The following PRXL2C variants were observed in gnomAD, a reference collection of about 807,000 sequenced individuals.
PRXL2C encodes the protein peroxiredoxin like 2C.
PRXL2C carries 38 observed loss-of-function variants against 24.9 expected under a neutral mutation model. The ratio of observed to expected loss-of-function variants is 1.53; its 90% confidence interval spans 1.18 to 2.00. PRXL2C has a LOEUF of 2.00. Among genes scored for constraint, PRXL2C ranks in the 30% most tolerant of loss-of-function variants. The pLI is 0.00. For synonymous variants in PRXL2C, 98 were observed against 117.2 expected (o/e 0.84, Z 1.06); for missense variants, 294 against 290.9 (o/e 1.01, Z -0.08).
rs1405276282 is a variant in PRXL2C, at chr9:96,651,370, T to G, written c.421+20A>C. On this transcript the variant is annotated intron_variant, in intron 4 of 5. Coordinates refer to ENST00000375234, the MANE Select transcript of PRXL2C (RefSeq NM_153698.2). Reference sequence around the variant, plus strand: ...ACATACACCACCAGTGTTTTCTATTTGAGACATGTTATGTCTTACCTGAGG... The same window carrying G: ...ACATACACCACCAGTGTTTTCTATTGGAGACATGTTATGTCTTACCTGAGG... The G allele has an allele frequency of 6.5e-7, 1 of 1,527,466 alleles. No individual in the cohort carries two copies. The highest frequency in any genetic ancestry group is 1.7e-5 in the Admixed American group (1 of 57,210). 94.6% of individuals were successfully genotyped at this position (1,527,466 alleles called of 1,614,324 possible).
intron 4 of PRXL2C, among the ~76,000 whole-genome samples, chr9:96,650,679 T>A (rs572301679): frequency 1.3e-5 from 2 of 152,258 alleles, no homozygotes; most frequent in East Asian, 3.9e-4. Context: ...TATAAAATTA[T>A]GTGAACTTAA....
chr9:96,642,120 G>T (rs1303355526), intron 5 of PRXL2C, among the ~76,000 whole-genome samples: 4 of 152,092 alleles, frequency 2.6e-5, no homozygotes, highest in Admixed American at 1.3e-4. Flanking sequence ...GATCCAAGGG[G>T]AAAGATTTTT....
At position 96,654,815 on chromosome 9, in the gene PRXL2C, C is replaced by T. The variant is rs540053823; in HGVS notation, c.193-42G>A. 15 of 1,524,088 alleles carry T rather than the reference C, an allele frequency of 9.8e-6. No individual in the cohort carries two copies. The South Asian group carries it at 1.7e-4, about 17-fold the overall frequency. The allele number at this position is 1,524,088 out of a possible 1,614,324, so 94.4% of individuals were successfully genotyped here. A position where few individuals can be genotyped will look rare whatever the true frequency, so the allele number is the denominator to read the frequency against. Reference sequence around the variant, plus strand: ...CAGAAAGGGCAAGTTAGTAAAGCAGCACCCTCGGGCCCCGAAGGATCCCTG... The same window carrying T: ...CAGAAAGGGCAAGTTAGTAAAGCAGTACCCTCGGGCCCCGAAGGATCCCTG... On this transcript the variant is annotated intron_variant, in intron 1 of 5. Transcript: ENST00000375234.
Position 96,641,142 on chromosome 9 carries a change from TA to T in PRXL2C, c.*616del, listed in dbSNP as rs1848109122. ...TGGCATAAAATTGTCCTATAATGTT[TA>T]AAGACCTTTTCCTGGCCCTACAATA... On this transcript the variant is annotated 3_prime_UTR_variant, in exon 6 of 6. Transcript: ENST00000375234. 1 of 152,198 alleles carries T rather than the reference TA, an allele frequency of 6.6e-6. No individual in the cohort carries two copies. Among genetic ancestry groups the T allele is most frequent in the South Asian group, 2.1e-4 (1 of 4,834 alleles). 9.4% of individuals were successfully genotyped at this position (152,198 alleles called of 1,614,324 possible).
chr9:96,641,321 A>G lies in PRXL2C; in HGVS notation c.*438T>C, dbSNP rs1204551799. ...AGCATACAAAAATACAAATATATAC[A>G]TATAAAAATGCAGTTACATTGTTGA... On this transcript the variant is annotated 3_prime_UTR_variant, in exon 6 of 6. Transcript: ENST00000375234. 1 of 152,462 alleles carries G rather than the reference A, an allele frequency of 6.6e-6. No individual in the cohort carries two copies. The highest frequency in any genetic ancestry group is 2.4e-5 in the African/African-American group (1 of 41,454). 9.4% of individuals were successfully genotyped at this position (152,462 alleles called of 1,614,324 possible).
At chr9:96,646,138 C>A in intron 4 of PRXL2C, 114 bp from the exon 5 acceptor site, 1 of 1,181,394 alleles carries the variant, frequency 8.5e-7, no homozygotes, top group Non-Finnish European at 1.2e-6. Context: ...GTTTCTCAAT[C>A]TTTTACCATC....
chr9:96,647,323 T>G (rs1330682473), intron 4 of PRXL2C, among the ~76,000 whole-genome samples: 7 of 152,222 alleles, frequency 4.6e-5, no homozygotes, highest in Non-Finnish European at 1.5e-5. Context: ...CCTTGCCATG[T>G]ATGTCTTACT....
chr9:96,652,520 CAAAAA>C (rs1254621971), intron 2 of PRXL2C, among the ~76,000 whole-genome samples: 1 of 56,382 alleles, frequency 1.8e-5, no homozygotes. Context: ...GACTCCGCCT[CAAAAA>C]AAAAAAAAAA....
At position 96,651,396 on chromosome 9, in the gene PRXL2C, A is replaced by C. The variant is rs776702665; in HGVS notation, c.415T>G (p.Ser139Ala). The C allele has an allele frequency of 1.3e-5, 21 of 1,607,656 alleles. No homozygotes were observed. The Admixed American group carries it at 2.7e-4, about 21-fold the overall frequency. The part of the protein sequence containing the change: ...LGMKRGEEIA[S>A]SGQSPHIKSN... ...GAGACATGTTATGTCTTACCTGAGG[A>C]AGCAATTTCTTCACCTCTTTTCATT... is the stretch of plus-strand genomic sequence containing the variant. Residue 139 changes from serine (S) to alanine (A), a missense_variant, in exon 4 of 6, where the codon TCC becomes GCC. By Grantham distance (99) the Ser-to-Ala change is moderately conservative (BLOSUM62 1). Transcript: ENST00000375234.
intron 2 of PRXL2C, among the ~76,000 whole-genome samples, chr9:96,652,825 A>G (rs1487777769): frequency 3.3e-5 from 5 of 152,230 alleles, no homozygotes; most frequent in Non-Finnish European, 5.9e-5. Context: ...AAGGAAATGA[A>G]ATCAGTATGT....
chr9:96,654,129 C>T (rs959741615), intron 2 of PRXL2C, among the ~76,000 whole-genome samples: 6 of 152,192 alleles, frequency 3.9e-5, no homozygotes, highest in Admixed American at 3.9e-4. Context: ...CGTGAGCCAC[C>T]GTGCCCGGCC....
Position 96,641,713 on chromosome 9 carries a change from T to C in PRXL2C, c.*46A>G. 2 of 1,508,468 alleles carry C rather than the reference T, an allele frequency of 1.3e-6. No individual in the cohort carries two copies. Among genetic ancestry groups the C allele is most frequent in the Non-Finnish European group, 1.8e-6 (2 of 1,111,534 alleles). 93.4% of individuals were successfully genotyped at this position (1,508,468 alleles called of 1,614,324 possible). ...GGATATTACACCCAGGCATTGAAGG[T>C]CACATTCCAGAAGGTCCAGTTGAAA... On this transcript the variant is annotated 3_prime_UTR_variant, in exon 6 of 6. Transcript: ENST00000375234.
chr9:96,645,750 T>C lies in PRXL2C; in HGVS notation c.553+143A>G, dbSNP rs548143409. 800 of 907,616 alleles carry C rather than the reference T, an allele frequency of 8.8e-4. 1 individual carries two copies. Among genetic ancestry groups the C allele is most frequent in the Non-Finnish European group, 1.2e-3 (732 of 629,880 alleles). 56.2% of individuals were successfully genotyped at this position (907,616 alleles called of 1,614,324 possible). On this transcript the variant is annotated intron_variant, in intron 5 of 5. Transcript: ENST00000375234. ...AGGCAGAGCTTGCAGTGAGCCGAGA[T>C]TGCGCCACTGCACTCCAGCCTTGGC... is the stretch of plus-strand genomic sequence containing the variant.
intron 4 of PRXL2C, among the ~76,000 whole-genome samples, chr9:96,650,575 G>C (rs189637435): frequency 9.2e-5 from 14 of 152,166 alleles, no homozygotes; most frequent in Middle Eastern, 3.4e-3. Context: ...TGCTTGAAGA[G>C]TGATTCAGAG....
chr9:96,655,053 G>A, intron 1 of PRXL2C, 37 bp downstream of exon 1: 1 of 1,458,146 alleles, frequency 6.9e-7, no homozygotes, highest in Non-Finnish European at 9.0e-7. Context: ...CCGGGACCCT[G>A]GGCCGCGCTT....
chr9:96,651,470 G>A lies in PRXL2C; in HGVS notation c.341C>T (p.Ser114Phe). Residue 114 changes from serine to phenylalanine, a missense_variant, in exon 4 of 6, where the codon TCT becomes TTT. Transcript: ENST00000375234. ...IEPFCKLTGYSHEIYVDPERE... is the reference protein window; with the variant it reads ...IEPFCKLTGYFHEIYVDPERE... ...CTCAGGATCGACATAGATTTCATGA[G>A]AATATCCAGTCAGCTTGCAAAAAGG... 1 of 1,612,208 alleles carries A rather than the reference G, an allele frequency of 6.2e-7. No homozygotes were observed. Among genetic ancestry groups the A allele is most frequent in the South Asian group, 1.1e-5 (1 of 90,244 alleles).
chr9:96,645,973 A>G lies in PRXL2C; in HGVS notation c.473T>C (p.Leu158Pro), dbSNP rs1168144434. Residue 158 changes from leucine to proline, a missense_variant, in exon 5 of 6, where the codon CTG (leucine) becomes CCG (proline). Transcript: ENST00000375234. ...GAGAGGGCCAGTCACTGCCCGCCAC[A>G]GGCTCTGAAGGCTTCCTGAGAGTAG... ...SNLLSGSLQSLWRAVTGPLFD... is the reference protein window; with the variant it reads ...SNLLSGSLQSPWRAVTGPLFD... 6.2e-7 allele frequency: 1 copy of G among 1,613,684 alleles called. No homozygotes were observed. The highest frequency in any genetic ancestry group is 8.5e-7 in the Non-Finnish European group (1 of 1,179,882).
chr9:96,654,737 C>G lies in PRXL2C; in HGVS notation c.229G>C (p.Asp77His). 1.3e-6 allele frequency: 2 copies of G among 1,567,146 alleles called. No homozygotes were observed. The highest frequency in any genetic ancestry group is 1.7e-6 in the Non-Finnish European group (2 of 1,154,612). ...AAACTCCTGGGGATTTTGGCCAGAT[C>G]CTCTACGTATTCCTTGCAGATGTAA... Reference protein sequence around the residue: ...LCYICKEYVEDLAKIPRSFLQ... With the variant: ...LCYICKEYVEHLAKIPRSFLQ... Residue 77 changes from aspartate (D) to histidine (H), a missense_variant, in exon 2 of 6, where the codon GAT becomes CAT. Asp to His is a moderately conservative substitution (Grantham distance 81, BLOSUM62 -1). Transcript: ENST00000375234.
At position 96,651,405 on chromosome 9, in the gene PRXL2C, C is replaced by A. The variant is rs1848263259; in HGVS notation, c.406G>T (p.Glu136Ter). Residue 136 changes from glutamate (E) to a stop codon, truncating the protein, a stop_gained, in exon 4 of 6, where the codon GAA becomes TAA. Coordinates refer to ENST00000375234, the MANE Select transcript of PRXL2C (RefSeq NM_153698.2). LOFTEE classifies it high-confidence loss of function. ...TATGTCTTACCTGAGGAAGCAATTT[C>A]TTCACCTCTTTTCATTCCCAATCTT... ...YKRLGMKRGEEIASSGQSPHI... is the reference protein window; with the variant it reads ...YKRLGMKRGE 1.9e-6 allele frequency: 3 copies of A among 1,610,958 alleles called. No homozygotes were observed. The East Asian group carries it at 6.7e-5, about 36-fold the overall frequency.
Sources: gnomAD v4.1 joint callset for allele counts (sites outside exome capture counted in the v4.1 genomes callset) on GRCh38, gnomAD v4.1.1 for gene constraint, MANE v1.5 for transcripts, NCBI Gene and HGNC (gene_info 2026-07-23, HGNC 2026-07-21) for gene names.